The following DCDC2B variants were observed in gnomAD, a reference collection of about 807,000 sequenced individuals.
The protein encoded by DCDC2B is doublecortin domain-containing protein 2B.
Under a neutral mutation model 38.9 loss-of-function variants are expected in DCDC2B, and 41 were observed. The observed-to-expected ratio is 1.05, with a 90% CI of 0.82 to 1.37. The LOEUF (loss-of-function observed/expected upper bound fraction) is 1.37. Ranked by LOEUF, DCDC2B falls within the 40% of genes most tolerant of loss-of-function variation. DCDC2B has a pLI of 0.00. For synonymous variants in DCDC2B, 181 were observed against 171.9 expected (o/e 1.05, Z -0.41); for missense variants, 453 against 427.2 (o/e 1.06, Z -0.53).
rs1235192028 is a variant in DCDC2B at position 32,212,493 on chromosome 1, C to G, written c.531C>G (p.Leu177=). ...VKLQSGAVCK[L]CTLEGLPLSA... Reference sequence around the variant, plus strand: ...CCTCCTCACCTCTCTCTCCCAGACTCTGCACCCTAGAGGGGCTCCCACTGT... The same window carrying G: ...CCTCCTCACCTCTCTCTCCCAGACTGTGCACCCTAGAGGGGCTCCCACTGT... Residue 177 remains leucine, a synonymous_variant, in exon 5 of 9, where the codon CTC becomes CTG. Transcript: ENST00000409358. 1 of 1,613,846 alleles carries G rather than the reference C, an allele frequency of 6.2e-7. No homozygotes were observed. Among genetic ancestry groups the G allele is most frequent in the Non-Finnish European group, 8.5e-7 (1 of 1,179,846 alleles).
intron 5 of DCDC2B, 58 bp downstream of exon 5, chr1:32,212,694 T>C: frequency 6.2e-7 from 1 of 1,612,970 alleles, no homozygotes; most frequent in Non-Finnish European, 8.5e-7. Context: ...ACCCTCTGGG[T>C]CTGTGTGCTT....
intron 1 of DCDC2B, among the ~76,000 whole-genome samples, chr1:32,210,523 G>A (rs2124205680): frequency 6.6e-6 from 1 of 150,680 alleles, no homozygotes; most frequent in Non-Finnish European, 1.5e-5. Flanking sequence ...GAGAAAAAAA[G>A]AAAAAAAAGG....
chr1:32,211,681 C>T (rs986216846), intron 2 of DCDC2B, 80 bp from the exon 3 acceptor site: 16 of 1,460,456 alleles, frequency 1.1e-5, no homozygotes, highest in Non-Finnish European at 1.3e-5. Context: ...TTCCGGCCCC[C>T]TCACTCCACA....
chr1:32,213,231 G>A (rs2124210038), intron 6 of DCDC2B, among the ~76,000 whole-genome samples: 1 of 151,788 alleles, frequency 6.6e-6, no homozygotes, highest in South Asian at 2.1e-4. Context: ...TGAGTCTCAC[G>A]ATATTGCGAA....
rs753106907 is a variant in DCDC2B, at chr1:32,212,082, T to A, written c.408T>A (p.Asn136Lys). 6.2e-7 allele frequency: 1 copy of A among 1,613,236 alleles called. No individual in the cohort carries two copies. The highest frequency in any genetic ancestry group is 1.1e-5 in the South Asian group (1 of 91,016). Residue 136 changes from asparagine (N) to lysine (K), a missense_variant, in exon 4 of 9, where the codon AAT (asparagine) becomes AAA (lysine). Physicochemically the swap from Asn to Lys is moderately conservative, Grantham distance 94 (BLOSUM62 0). Coordinates refer to ENST00000409358, the MANE Select transcript of DCDC2B (RefSeq NM_001099434.2). ...GAPSYIHVFR[N>K]GDLVSPPFSL... ...CTTTTTGTCTCAGTGTGTTCAGGAA[T>A]GGGGACCTGGTAAGTCCCCCATTTA...
chr1:32,210,881 ATTTT>A (rs369418358), intron 1 of DCDC2B, among the ~76,000 whole-genome samples: 2,555 of 151,524 alleles, frequency 0.017, 64 homozygotes, highest in African/African-American at 0.058. Flanking sequence ...TGCCTGGCTA[ATTTT>A]TTTGTTTTTT....
At chr1:32,213,588 C>A (rs1225033257) in intron 6 of DCDC2B, among the ~76,000 whole-genome samples, 1 of 149,514 alleles carries the variant, frequency 6.7e-6, no homozygotes, top group Non-Finnish European at 1.5e-5. Context: ...GGCTCACTGC[C>A]AGCTCCGCCT....
chr1:32,210,021 T>C (rs1643515789), intron 1 of DCDC2B, among the ~76,000 whole-genome samples: 1 of 151,398 alleles, frequency 6.6e-6, no homozygotes, highest in South Asian at 2.1e-4. Context: ...GGCGAAACTC[T>C]GTCTCTACTA....
chr1:32,209,266 C>T lies in DCDC2B; in HGVS notation c.173C>T (p.Thr58Ile). ...CCACTGGCTGTGCGTGCCCTCTACACACCTTGTCATGGCCACCCTGTCACC... is the reference window on the plus strand; with the variant it reads ...CCACTGGCTGTGCGTGCCCTCTACATACCTTGTCATGGCCACCCTGTCACC... ...QAPLAVRALY[T>I]PCHGHPVTNL... Residue 58 changes from threonine to isoleucine, a missense_variant, in exon 1 of 9, where the codon ACA becomes ATA. Coordinates refer to ENST00000409358, the MANE Select transcript of DCDC2B (RefSeq NM_001099434.2). 1 of 1,614,032 alleles carries T rather than the reference C, an allele frequency of 6.2e-7. No homozygotes were observed. Among genetic ancestry groups the T allele is most frequent in the Non-Finnish European group, 8.5e-7 (1 of 1,179,900 alleles).
At chr1:32,214,020 G>A (rs1643694689) in intron 6 of DCDC2B, among the ~76,000 whole-genome samples, 1 of 151,878 alleles carries the variant, frequency 6.6e-6, no homozygotes, top group Non-Finnish European at 1.5e-5. Context: ...GCTGAAAAGT[G>A]AAGTGGGCCT....
intron 2 of DCDC2B, 107 bp from the exon 3 acceptor site, chr1:32,211,654 T>C: frequency 8.6e-7 from 1 of 1,159,848 alleles, no homozygotes. Context: ...CCTCGCCCCC[T>C]TCCTGCCCCA....
intron 1 of DCDC2B, among the ~76,000 whole-genome samples, chr1:32,210,793 C>T (rs966664725): frequency 5.3e-5 from 8 of 152,084 alleles, no homozygotes; most frequent in Admixed American, 3.3e-4. Context: ...TGGCTCACTG[C>T]AGCCTCGAAC....
In DCDC2B at chr1:32,209,324, T is replaced by C; in HGVS notation, c.231T>C (p.Tyr77=). The change falls in exon 1 of 9, where the codon TAT becomes TAC. Residue 77 remains tyrosine (Y), a synonymous_variant. Transcript: ENST00000409358. ...NLADLKNRGQ[Y]VAAGFERFHK... ...CAGACTTGAAGAACAGAGGGCAGTA[T>C]GTGGCCGCTGGATTTGAACGATTCC... 2 of 1,613,986 alleles carry C rather than the reference T, an allele frequency of 1.2e-6. No individual in the cohort carries two copies. The highest frequency in any genetic ancestry group is 3.3e-4 in the Middle Eastern group (2 of 6,062).
intron 1 of DCDC2B, among the ~76,000 whole-genome samples, 156 bp downstream of exon 1, chr1:32,209,515 C>G (rs1361756710): frequency 6.6e-6 from 1 of 152,146 alleles, no homozygotes; most frequent in Non-Finnish European, 1.5e-5. Flanking sequence ...GGAAAACAGA[C>G]AGAAAACCTG....
intron 1 of DCDC2B, among the ~76,000 whole-genome samples, chr1:32,210,971 G>A (rs542837685): frequency 1.3e-5 from 2 of 152,308 alleles, no homozygotes; most frequent in Non-Finnish European, 2.9e-5. Flanking sequence ...CTCCCAAAGA[G>A]CTGGGATTAC....
In DCDC2B at chr1:32,215,861, T is replaced by C. The variant is rs756712394; in HGVS notation, c.1014T>C (p.Ala338=). ...TGGAAAACCAGCCTGGGGCTGGGGC[T>C]GCTATCTCAGCCTCAGCCCCAGCTC... ...LSLENQPGAG[A]AISASAPALP... is the part of the protein sequence containing the mutation. Residue 338 remains alanine (A), a synonymous_variant, in exon 9 of 9, where the codon GCT becomes GCC. Coordinates refer to ENST00000409358, the MANE Select transcript of DCDC2B (RefSeq NM_001099434.2). The C allele has an allele frequency of 2.3e-5, 36 of 1,552,844 alleles. 1 individual carries two copies. The South Asian group carries it at 4.2e-4, about 18-fold the overall frequency.
rs192447015 is a variant in DCDC2B, at chr1:32,216,189, C to T, written c.*292C>T. On this transcript the variant is annotated 3_prime_UTR_variant, in exon 9 of 9. Coordinates refer to ENST00000409358, the MANE Select transcript of DCDC2B (RefSeq NM_001099434.2). ...GTTTGTCACAATAAAAGAATACTTA[C>T]TAACCTCTTGTCTGTTTACCATAGA... The T allele has an allele frequency of 3.8e-4, 325 of 849,406 alleles. 2 individuals carry two copies. Among genetic ancestry groups the T allele is most frequent in the Admixed American group, 2.6e-3 (88 of 34,448 alleles). The allele number at this position is 849,406 out of a possible 1,614,324, so 52.6% of individuals were successfully genotyped here. A position where few individuals can be genotyped will look rare whatever the true frequency, so the allele number is the denominator to read the frequency against.
chr1:32,211,545 G>A (rs1173628958), intron 2 of DCDC2B, among the ~76,000 whole-genome samples: 2 of 152,236 alleles, frequency 1.3e-5, no homozygotes, highest in African/African-American at 4.8e-5. Context: ...AAAGGAAAGA[G>A]AAAGATGTGA....
chr1:32,214,695 A>G (rs541681390), intron 6 of DCDC2B, 102 bp from the exon 7 acceptor site: 2 of 1,519,112 alleles, frequency 1.3e-6, no homozygotes, highest in East Asian at 4.5e-5. Flanking sequence ...CTCCTCTGCC[A>G]TGTTCCTGCA....
Sources: allele counts gnomAD v4.1 joint callset (sites outside exome capture counted in the v4.1 genomes callset), GRCh38; gene constraint gnomAD v4.1.1; transcripts MANE v1.5; gene names NCBI Gene and HGNC (gene_info 2026-07-23, HGNC 2026-07-21).